Variants in LSAMP observed in about 807,000 individuals in gnomAD.
LSAMP encodes the protein limbic system-associated membrane protein.
LSAMP carries 7 observed loss-of-function variants against 38.6 expected under a neutral mutation model. That is an observed-to-expected ratio of 0.18 (90% confidence interval 0.10 to 0.34). The LOEUF is 0.34. Ranked by LOEUF, LSAMP falls within the 10% of genes least tolerant of loss-of-function variation. The pLI, the probability that LSAMP is intolerant of heterozygous loss-of-function variation, is 1.00. For synonymous variants in LSAMP, 154 were observed against 166.8 expected, an observed-to-expected ratio of 0.92 and a Z score of 0.59; for missense variants, 313 against 420.0, an observed-to-expected ratio of 0.75 and a Z score of 2.23.
intron 1 of LSAMP, among the ~76,000 whole-genome samples, chr3:116,127,112 T>G (rs538109622): frequency 6.6e-6 from 1 of 152,326 alleles, no homozygotes; most frequent in South Asian, 2.1e-4. Flanking sequence ...ATAAACCAAG[T>G]GATAGAGTAG....
intron 2 of LSAMP, among the ~76,000 whole-genome samples, chr3:116,056,801 A>G (rs1480886578): frequency 3.9e-5 from 6 of 152,152 alleles, no homozygotes; most frequent in Admixed American, 3.3e-4. Context: ...ACAAATCCTC[A>G]TCAAGACAGT....
chr3:116,358,356 A>G (rs2048253603), intron 1 of LSAMP, among the ~76,000 whole-genome samples: 1 of 152,130 alleles, frequency 6.6e-6, no homozygotes, highest in African/African-American at 2.4e-5. Flanking sequence ...AATATACAGT[A>G]TATAGTAATA....
intron 3 of LSAMP, among the ~76,000 whole-genome samples, chr3:115,885,946 G>A (rs942139197): frequency 1.3e-5 from 2 of 151,888 alleles, no homozygotes; most frequent in African/African-American, 4.8e-5. Context: ...TGCAACAGAG[G>A]TTTGTCTATC....
At chr3:116,164,674 TATATATATAATCCAA>T in intron 1 of LSAMP, among the ~76,000 whole-genome samples, 1 of 138,318 alleles carries the variant, frequency 7.2e-6, no homozygotes, top group African/African-American at 2.6e-5. Context: ...AATCCAAATA[TATATATATAATCCAA>T]ATATATATAT....
chr3:116,101,185 ACT>A (rs1258517997), intron 1 of LSAMP, among the ~76,000 whole-genome samples: 1 of 152,022 alleles, frequency 6.6e-6, no homozygotes, highest in Non-Finnish European at 1.5e-5. Flanking sequence ...GAGTGTCCCC[ACT>A]CTGATGTACC....
At chr3:115,839,266 C>CTTCA (rs1934910426) in intron 6 of LSAMP, among the ~76,000 whole-genome samples, 1 of 43,342 alleles carries the variant, frequency 2.3e-5, no homozygotes, top group Non-Finnish European at 4.9e-5. Context: ...TCTTTCTTTC[C>CTTCA]TTCCTTCCTT....
intron 1 of LSAMP, among the ~76,000 whole-genome samples, chr3:116,209,956 A>G (rs1396261880): frequency 1.3e-5 from 2 of 152,082 alleles, no homozygotes; most frequent in African/African-American, 4.8e-5. Flanking sequence ...GAGTTTCACC[A>G]TGTTAGCCAG....
At chr3:115,997,536 A>ATG (rs1553757572) in intron 3 of LSAMP, among the ~76,000 whole-genome samples, 3 of 150,864 alleles carry the variant, frequency 2.0e-5, no homozygotes, top group Admixed American at 6.7e-5. Flanking sequence ...ATGTGTGTGT[A>ATG]TGTGTGTGTG....
chr3:116,348,409 T>G (rs776923202), intron 1 of LSAMP, among the ~76,000 whole-genome samples: 15 of 152,156 alleles, frequency 9.9e-5, no homozygotes, highest in Non-Finnish European at 1.8e-4. Flanking sequence ...TGTCATGCAT[T>G]TACCTTCCTT....
At chr3:116,107,163 A>G (rs1708486679) in intron 1 of LSAMP, among the ~76,000 whole-genome samples, 1 of 152,150 alleles carries the variant, frequency 6.6e-6, no homozygotes. Context: ...ACAGTCATGA[A>G]GGTCAGGTGT....
chr3:116,232,803 A>G (rs1487153862), intron 1 of LSAMP, among the ~76,000 whole-genome samples: 3 of 148,042 alleles, frequency 2.0e-5, no homozygotes, highest in African/African-American at 7.5e-5. Flanking sequence ...TAGAACTATT[A>G]GGTTAAATGA....
At position 115,918,707 on chromosome 3, in the gene LSAMP, G is replaced by GTTTT. The variant is rs11391475; in HGVS notation, c.515-66094_515-66091dup. 7.5e-4 allele frequency among the ~76,000 whole-genome samples: 102 copies of GTTTT among 135,220 alleles called. 3 individuals are homozygous for GTTTT. The highest frequency in any genetic ancestry group is 2.5e-3 in the African/African-American group (89 of 36,222). 88.7% of individuals were successfully genotyped at this position (135,220 alleles called of 152,430 possible). A position where few individuals can be genotyped will look rare whatever the true frequency, so the allele number is the denominator to read the frequency against. ...TTAGGGACAAAATCTTAAAGAACAG[G>GTTTT]TTTTTTTTTTTTTTTTTGTCCCTGC... On this transcript the variant is annotated intron_variant, in intron 3 of 6. Coordinates refer to ENST00000490035, the MANE Select transcript of LSAMP (RefSeq NM_002338.5).
chr3:116,234,757 C>T (rs905534252), intron 1 of LSAMP, among the ~76,000 whole-genome samples: 6 of 152,068 alleles, frequency 3.9e-5, no homozygotes, highest in African/African-American at 1.4e-4. Flanking sequence ...ACCTAGATTT[C>T]TTGATGTTGC....
intron 1 of LSAMP, among the ~76,000 whole-genome samples, chr3:116,162,622 T>A (rs933954857): frequency 2.6e-5 from 4 of 151,492 alleles, no homozygotes; most frequent in African/African-American, 9.8e-5. Flanking sequence ...GTTTTATATG[T>A]GCGTGTGAGT....
At chr3:116,280,638 A>G (rs530478887) in intron 1 of LSAMP, among the ~76,000 whole-genome samples, 1 of 152,320 alleles carries the variant, frequency 6.6e-6, no homozygotes, top group South Asian at 2.1e-4. Context: ...ACTTGGAAAT[A>G]AACATCTTCT....
intron 3 of LSAMP, among the ~76,000 whole-genome samples, chr3:115,928,779 T>C (rs1937529462): frequency 6.6e-6 from 1 of 152,106 alleles, no homozygotes; most frequent in Non-Finnish European, 1.5e-5. Context: ...AATTATATTC[T>C]GTAACCGTGG....
chr3:116,086,925 T>C (rs1708002141), intron 1 of LSAMP, among the ~76,000 whole-genome samples: 1 of 152,226 alleles, frequency 6.6e-6, no homozygotes, highest in Non-Finnish European at 1.5e-5. Flanking sequence ...ATAGCACTTT[T>C]ACTCCATCTT....
intron 2 of LSAMP, among the ~76,000 whole-genome samples, chr3:116,032,085 G>A (rs2107705228): frequency 6.6e-6 from 1 of 152,134 alleles, no homozygotes; most frequent in Non-Finnish European, 1.5e-5. Context: ...AATCCCAAAC[G>A]AAACCTTGAA....
intron 1 of LSAMP, among the ~76,000 whole-genome samples, chr3:116,091,011 T>C (rs1278485389): frequency 7.9e-5 from 12 of 152,208 alleles, no homozygotes; most frequent in African/African-American, 2.7e-4. Flanking sequence ...GAATTTCCTC[T>C]TCCTAATAAG....
Sources: allele counts gnomAD v4.1 joint callset (sites outside exome capture counted in the v4.1 genomes callset), GRCh38; gene constraint gnomAD v4.1.1; transcripts MANE v1.5; gene names NCBI Gene and HGNC (gene_info 2026-07-23, HGNC 2026-07-21).